COL19A1: variants seen among roughly 807,000 people sequenced by gnomAD.
COL19A1 encodes collagen alpha-1(XIX) chain.
COL19A1 carries 159 observed loss-of-function variants against 190.2 expected under a neutral mutation model. The observed-to-expected ratio is 0.84, with a 90% CI of 0.73 to 0.95. The LOEUF is 0.95. Ranked by LOEUF, COL19A1 falls within the 40% of genes least tolerant of loss-of-function variation. The pLI, the probability that COL19A1 is intolerant of heterozygous loss-of-function variation, is 0.00. For missense variants in COL19A1, 1,418 were observed against 1,431.9 expected (o/e 0.99, Z 0.16); for synonymous variants, 509 against 458.9 (o/e 1.11, Z -1.39).
intron 47 of COL19A1, 44 bp from the exon 48 acceptor site, chr6:70,190,271 T>A: frequency 7.2e-7 from 1 of 1,388,414 alleles, no homozygotes; most frequent in Non-Finnish European, 1.0e-6. Context: ...TTTATTCATT[T>A]GTGCTATGCT....
At chr6:70,121,711 T>A (rs1021756805) in intron 16 of COL19A1, among the ~76,000 whole-genome samples, 169 bp from the exon 17 acceptor site, 1 of 152,194 alleles carries the variant, frequency 6.6e-6, no homozygotes, top group Non-Finnish European at 1.5e-5. Context: ...CTTAGGAACC[T>A]GATGATAAGT....
intron 14 of COL19A1, among the ~76,000 whole-genome samples, chr6:70,044,139 G>T (rs1779781045): frequency 1.3e-5 from 2 of 152,180 alleles, no homozygotes; most frequent in Admixed American, 1.3e-4. Context: ...TTCTTCTGCA[G>T]CTTCCTCACC....
At chr6:69,941,078 T>C (rs1773437034) in intron 9 of COL19A1, among the ~76,000 whole-genome samples, 1 of 152,180 alleles carries the variant, frequency 6.6e-6, no homozygotes, top group Admixed American at 6.6e-5. Flanking sequence ...TGTGAAATGA[T>C]CAGAAGTGCA....
intron 15 of COL19A1, among the ~76,000 whole-genome samples, chr6:70,093,071 C>T (rs949052879): frequency 6.6e-6 from 1 of 152,078 alleles, no homozygotes; most frequent in African/African-American, 2.4e-5. Context: ...ACAAACATAA[C>T]AGTTCCCATA....
chr6:70,006,156 G>T (rs916371256), intron 11 of COL19A1, among the ~76,000 whole-genome samples: 2 of 152,210 alleles, frequency 1.3e-5, no homozygotes, highest in South Asian at 2.1e-4. Flanking sequence ...AAATGGCTTA[G>T]ACAGTAAGCC....
chr6:70,058,654 T>C (rs1298559034), intron 14 of COL19A1, among the ~76,000 whole-genome samples: 1 of 151,068 alleles, frequency 6.6e-6, no homozygotes, highest in Non-Finnish European at 1.5e-5. Context: ...AAAATTTTTT[T>C]CTTATGATAA....
At chr6:69,992,441 T>C (rs1440482819) in intron 11 of COL19A1, among the ~76,000 whole-genome samples, 1 of 151,898 alleles carries the variant, frequency 6.6e-6, no homozygotes, top group Non-Finnish European at 1.5e-5. Flanking sequence ...GTAGTTTCAT[T>C]TTGCACTTGT....
intron 11 of COL19A1, among the ~76,000 whole-genome samples, chr6:69,977,509 A>G (rs1424530180): frequency 2.0e-5 from 3 of 151,952 alleles, no homozygotes; most frequent in African/African-American, 2.4e-5. Context: ...AACATGGCAC[A>G]TGTATACATA....
chr6:70,112,514 T>C (rs1255350510), intron 16 of COL19A1, among the ~76,000 whole-genome samples: 1 of 152,036 alleles, frequency 6.6e-6, no homozygotes, highest in Non-Finnish European at 1.5e-5. Context: ...TTTCTAACTA[T>C]CATGCCATGG....
chr6:70,010,182 C>A (rs1038343757), intron 11 of COL19A1, among the ~76,000 whole-genome samples: 4 of 152,078 alleles, frequency 2.6e-5, no homozygotes, highest in Non-Finnish European at 5.9e-5. Context: ...GATAAAATGA[C>A]TTTTATCCAG....
chr6:69,950,367 G>A (rs1774052626), intron 9 of COL19A1, among the ~76,000 whole-genome samples: 1 of 151,806 alleles, frequency 6.6e-6, no homozygotes, highest in Admixed American at 6.6e-5. Context: ...GTACAGACTT[G>A]CAGTAGACAT....
At chr6:69,904,197 C>T (rs1770374333) in intron 4 of COL19A1, among the ~76,000 whole-genome samples, 1 of 152,198 alleles carries the variant, frequency 6.6e-6, no homozygotes, top group Admixed American at 6.5e-5. Context: ...GTATTCAGAT[C>T]AAATGGTCTG....
At chr6:69,959,107 CCTCTCAAGAGTATCTCAT>C (rs1254365535) in intron 9 of COL19A1, among the ~76,000 whole-genome samples, 3 of 152,132 alleles carry the variant, frequency 2.0e-5, no homozygotes, top group African/African-American at 7.2e-5. Context: ...ATATGCACAT[CCTCTCAAGAGTATCTCAT>C]TCTAGCCTGT....
At chr6:70,199,784 A>G in intron 49 of COL19A1, 48 bp downstream of exon 49, 1 of 1,541,674 alleles carries the variant, frequency 6.5e-7, no homozygotes. Context: ...AACTCTCTGT[A>G]TTTATAACAT....
intron 25 of COL19A1, 138 bp downstream of exon 25, chr6:70,145,145 C>T (rs1786539567): frequency 1.5e-6 from 1 of 672,724 alleles, no homozygotes. Flanking sequence ...AACAGAACTA[C>T]CATTTGACCT....
chr6:69,923,849 C>A (rs1342821185), intron 4 of COL19A1, among the ~76,000 whole-genome samples: 1 of 152,142 alleles, frequency 6.6e-6, no homozygotes, highest in African/African-American at 2.4e-5. Flanking sequence ...TTCTGTCACA[C>A]ACATAGGCCT....
chr6:69,966,513 G>A (rs1013763917), intron 11 of COL19A1, among the ~76,000 whole-genome samples: 2 of 152,128 alleles, frequency 1.3e-5, no homozygotes, highest in African/African-American at 4.8e-5. Context: ...TCCACTAAGG[G>A]TTAAATGGAT....
chr6:70,082,439 C>T (rs1002343377), intron 15 of COL19A1, among the ~76,000 whole-genome samples: 2 of 152,030 alleles, frequency 1.3e-5, no homozygotes, highest in Non-Finnish European at 2.9e-5. Flanking sequence ...GAGACAGAGT[C>T]TCACTCTGTC....
intron 17 of COL19A1, 99 bp downstream of exon 17, chr6:70,122,041 A>G (rs944574728): frequency 2.8e-6 from 2 of 704,520 alleles, no homozygotes; most frequent in African/African-American, 1.9e-5. Flanking sequence ...TCAGACTTTT[A>G]TACATGATCA....
Sources: gnomAD v4.1 joint callset for allele counts (sites outside exome capture counted in the v4.1 genomes callset) on GRCh38, gnomAD v4.1.1 for gene constraint, MANE v1.5 for transcripts, NCBI Gene and HGNC (gene_info 2026-07-23, HGNC 2026-07-21) for gene names.